The following PLCB1 variants were observed in gnomAD, a reference collection of about 807,000 sequenced individuals.
PLCB1 encodes phospholipase C beta 1.
Under a neutral mutation model 161.8 loss-of-function variants are expected in PLCB1, and 46 were observed. That is an observed-to-expected ratio of 0.28 (90% CI 0.22 to 0.36). PLCB1 has a LOEUF of 0.36. Ranked by LOEUF, PLCB1 falls within the 10% of genes least tolerant of loss-of-function variation. PLCB1 has a pLI of 1.00. For missense variants in PLCB1, 1,016 were observed against 1,472.5 expected, an observed-to-expected ratio of 0.69 and a Z score of 5.07; for synonymous variants, 517 against 503.7, an observed-to-expected ratio of 1.03 and a Z score of -0.35.
intron 3 of PLCB1, among the ~76,000 whole-genome samples, chr20:8,566,445 T>C (rs1030442156): frequency 6.6e-6 from 1 of 152,152 alleles, no homozygotes; most frequent in Non-Finnish European, 1.5e-5. Flanking sequence ...GTGTGACTTA[T>C]CCTGTGGAAT....
At chr20:8,814,233 G>A (rs1984971048) in intron 31 of PLCB1, among the ~76,000 whole-genome samples, 1 of 152,164 alleles carries the variant, frequency 6.6e-6, no homozygotes, top group African/African-American at 2.4e-5. Flanking sequence ...GAAGAGTATA[G>A]ATGTGTGTGG....
At chr20:8,317,792 A>G (rs192051660) in intron 2 of PLCB1, among the ~76,000 whole-genome samples, 14 of 152,206 alleles carry the variant, frequency 9.2e-5, no homozygotes, top group African/African-American at 3.4e-4. Context: ...TATTTTATTC[A>G]TTGTAGAAAT....
chr20:8,660,341 G>C (rs6140673), intron 9 of PLCB1, among the ~76,000 whole-genome samples: 95,287 of 151,878 alleles, frequency 0.63, 31,060 homozygotes, highest in African/African-American at 0.81. Context: ...TGTAGCTTAG[G>C]AGTTCTCTTC....
intron 3 of PLCB1, among the ~76,000 whole-genome samples, chr20:8,617,623 CTGT>C (rs1280247151): frequency 6.6e-6 from 1 of 151,956 alleles, no homozygotes; most frequent in African/African-American, 2.4e-5. Context: ...TGTTAAAAGC[CTGT>C]TGTTGAACAT....
intron 3 of PLCB1, among the ~76,000 whole-genome samples, chr20:8,591,302 G>C (rs1008298361): frequency 6.6e-6 from 1 of 152,124 alleles, no homozygotes; most frequent in African/African-American, 2.4e-5. Flanking sequence ...ACTTTGGGGA[G>C]CCATTATTCT....
At chr20:8,738,920 G>C (rs1258030574) in intron 20 of PLCB1, among the ~76,000 whole-genome samples, 1 of 152,182 alleles carries the variant, frequency 6.6e-6, no homozygotes, top group Non-Finnish European at 1.5e-5. Flanking sequence ...GGAGGCCAAG[G>C]TGGTGGATCA....
rs889123573 is a variant in PLCB1, at chr20:8,765,070, A to G, written c.2711-69A>G. The G allele has an allele frequency of 5.0e-6, 6 of 1,194,468 alleles. No individual in the cohort carries two copies. The African/African-American group carries it at 9.2e-5, about 18-fold the overall frequency. The allele number at this position is 1,194,468 out of a possible 1,614,324, so 74.0% of individuals were successfully genotyped here. A position where few individuals can be genotyped will look rare whatever the true frequency, so the allele number is the denominator to read the frequency against. On this transcript the variant is annotated intron_variant, in intron 25 of 31. Coordinates refer to ENST00000338037, the MANE Select transcript of PLCB1 (RefSeq NM_015192.4). ...ATCAACCATTTCTTCCTAAGAAGGT[A>G]GCCGCTCTTCTTTCCATCTGGATGT...
intron 3 of PLCB1, 168 bp downstream of exon 3, chr20:8,371,618 G>C: frequency 2.1e-6 from 1 of 486,718 alleles, no homozygotes. Flanking sequence ...CGGAAACAAT[G>C]AACAAATATG....
intron 31 of PLCB1, among the ~76,000 whole-genome samples, chr20:8,871,200 A>C (rs536087067): frequency 4.6e-5 from 7 of 152,334 alleles, no homozygotes; most frequent in Non-Finnish European, 1.0e-4. Flanking sequence ...GTGATAATTT[A>C]ATTTTTATAT....
chr20:8,240,742 G>A (rs2142669), intron 2 of PLCB1, among the ~76,000 whole-genome samples: 64,092 of 151,768 alleles, frequency 0.42, 14,160 homozygotes, highest in East Asian at 0.67. Context: ...TAGCTTGCCA[G>A]ATAGCATAAC....
chr20:8,422,924 A>G (rs1568670030), intron 3 of PLCB1, among the ~76,000 whole-genome samples: 1 of 152,202 alleles, frequency 6.6e-6, no homozygotes, highest in Non-Finnish European at 1.5e-5. Context: ...ATAAATGGCA[A>G]TGATAAAAAT....
chr20:8,226,690 A>AT (rs575225666), intron 2 of PLCB1, among the ~76,000 whole-genome samples: 5,188 of 144,226 alleles, frequency 0.036, 225 homozygotes, highest in African/African-American at 0.11. Flanking sequence ...AGTAAAACTA[A>AT]TTTTTTTTTT....
At chr20:8,185,152 C>G (rs955199230) in intron 2 of PLCB1, among the ~76,000 whole-genome samples, 1 of 152,142 alleles carries the variant, frequency 6.6e-6, no homozygotes, top group African/African-American at 2.4e-5. Context: ...TGTGGGGAAA[C>G]AGGCTTTATT....
chr20:8,629,369 T>C (rs1219458584), intron 4 of PLCB1, among the ~76,000 whole-genome samples: 2 of 152,194 alleles, frequency 1.3e-5, no homozygotes, highest in Non-Finnish European at 2.9e-5. Context: ...TTCAGATATT[T>C]ACAAAAATAG....
At chr20:8,587,171 A>G (rs549847966) in intron 3 of PLCB1, among the ~76,000 whole-genome samples, 152 of 134,246 alleles carry the variant, frequency 1.1e-3, no homozygotes, top group African/African-American at 4.4e-3. Context: ...CAGCACTATC[A>G]ATTAAAAAAT....
intron 3 of PLCB1, among the ~76,000 whole-genome samples, chr20:8,494,255 C>G (rs148477787): frequency 5.9e-5 from 9 of 152,264 alleles, no homozygotes; most frequent in African/African-American, 2.2e-4. Context: ...ACTTTCCTCC[C>G]GCTTTTGAAG....
intron 3 of PLCB1, among the ~76,000 whole-genome samples, chr20:8,612,340 T>C (rs113100514): frequency 4.7e-4 from 72 of 152,246 alleles, no homozygotes; most frequent in African/African-American, 1.7e-3. Context: ...TTCAGAGTTT[T>C]CCTGGGATTC....
At chr20:8,725,201 C>G (rs1979869380) in intron 16 of PLCB1, among the ~76,000 whole-genome samples, 1 of 152,132 alleles carries the variant, frequency 6.6e-6, no homozygotes, top group Non-Finnish European at 1.5e-5. Context: ...ACCAATTTAT[C>G]TATATTCCAT....
At chr20:8,328,497 G>T (rs1432332958) in intron 2 of PLCB1, among the ~76,000 whole-genome samples, 1 of 150,950 alleles carries the variant, frequency 6.6e-6, no homozygotes, top group Non-Finnish European at 1.5e-5. Context: ...GCCTGATTTT[G>T]GCCCTAACTA....
Sources: allele counts gnomAD v4.1 joint callset (sites outside exome capture counted in the v4.1 genomes callset), GRCh38; gene constraint gnomAD v4.1.1; transcripts MANE v1.5; gene names NCBI Gene and HGNC (gene_info 2026-07-23, HGNC 2026-07-21).